TM9SF4: variants seen among roughly 807,000 people sequenced by gnomAD.
The protein encoded by TM9SF4 is transmembrane 9 superfamily member 4.
In TM9SF4, 26 loss-of-function variants were observed where a neutral mutation model predicts 90.4. The observed-to-expected ratio is 0.29, with a 90% CI of 0.21 to 0.40. TM9SF4 has a LOEUF of 0.40. TM9SF4 is among the 10% of genes least tolerant of loss of function. The pLI is 1.00. For missense variants in TM9SF4, 549 were observed against 834.8 expected, an observed-to-expected ratio of 0.66 and a Z score of 4.22; for synonymous variants, 293 against 315.4, an observed-to-expected ratio of 0.93 and a Z score of 0.75.
intron 3 of TM9SF4, among the ~76,000 whole-genome samples, chr20:32,140,951 G>A (rs1460641885): frequency 6.6e-6 from 1 of 152,132 alleles, no homozygotes; most frequent in African/African-American, 2.4e-5. Flanking sequence ...GGGCGCGGTG[G>A]CTCACACCTG....
chr20:32,119,461 TAGTC>T (rs1208817555), intron 1 of TM9SF4, among the ~76,000 whole-genome samples: 1 of 152,212 alleles, frequency 6.6e-6, no homozygotes, highest in Non-Finnish European at 1.5e-5. Context: ...TTATGCTTAT[TAGTC>T]ATTCATATAT....
intron 6 of TM9SF4, among the ~76,000 whole-genome samples, chr20:32,144,361 A>C (rs980732784): frequency 2.0e-5 from 3 of 152,242 alleles, no homozygotes; most frequent in Admixed American, 1.3e-4. Flanking sequence ...ATGAATGGAG[A>C]AAACATCTGA....
At position 32,141,848 on chromosome 20, in the gene TM9SF4, G is replaced by C. The variant is rs764657883; in HGVS notation, c.481G>C (p.Val161Leu). ...DSDDKKKEKDVQFEHGYRLGF... is the reference protein window; with the variant it reads ...DSDDKKKEKDLQFEHGYRLGF... ...CGATGACAAGAAGAAGGAAAAAGATGTGCAGTTTGAACACGGCTACCGGCT... is the reference window on the plus strand; with the variant it reads ...CGATGACAAGAAGAAGGAAAAAGATCTGCAGTTTGAACACGGCTACCGGCT... The change falls in exon 5 of 18, where the codon GTG (valine) becomes CTG (leucine). Residue 161 changes from valine to leucine, a missense_variant. Physicochemically the swap from Val to Leu is conservative, Grantham distance 32 (BLOSUM62 1). Coordinates refer to ENST00000398022, the MANE Select transcript of TM9SF4 (RefSeq NM_014742.4). 2 of 1,614,144 alleles carry C rather than the reference G, an allele frequency of 1.2e-6. No homozygotes were observed. The highest frequency in any genetic ancestry group is 1.6e-4 in the Middle Eastern group (1 of 6,062).
chr20:32,118,097 G>A (rs2046253139), intron 1 of TM9SF4, among the ~76,000 whole-genome samples: 1 of 152,184 alleles, frequency 6.6e-6, no homozygotes, highest in Non-Finnish European at 1.5e-5. Context: ...AGAAGGTGAT[G>A]AAGTCATAGA....
At chr20:32,149,886 G>A in intron 10 of TM9SF4, 120 bp downstream of exon 10, 1 of 1,398,286 alleles carries the variant, frequency 7.2e-7, no homozygotes, top group Non-Finnish European at 9.7e-7. Context: ...CACCAAGTGG[G>A]CATGTCAGTA....
chr20:32,145,286 T>C (rs2046747627), intron 7 of TM9SF4, 26 bp from the exon 8 acceptor site: 1 of 1,613,150 alleles, frequency 6.2e-7, no homozygotes, highest in African/African-American at 1.3e-5. Context: ...GATGCCTGAC[T>C]CTAAGTGCTT....
At chr20:32,141,937 C>T in intron 5 of TM9SF4, 42 bp downstream of exon 5, 3 of 1,611,658 alleles carry the variant, frequency 1.9e-6, no homozygotes. Context: ...GGAGCCACAC[C>T]TCACGAGTCC....
At chr20:32,119,779 G>A (rs1035902278) in intron 1 of TM9SF4, among the ~76,000 whole-genome samples, 12 of 151,742 alleles carry the variant, frequency 7.9e-5, no homozygotes, top group Admixed American at 5.3e-4. Flanking sequence ...TATTTTTTCC[G>A]TATAGAGGTT....
At chr20:32,123,866 A>ATATATATATATATATTTTTTTTT in intron 1 of TM9SF4, among the ~76,000 whole-genome samples, 20 of 93,946 alleles carry the variant, frequency 2.1e-4, no homozygotes, top group East Asian at 7.4e-4. Context: ...ATATATATAT[A>ATATATATATATATATTTTTTTTT]TTTTTTTTTT....
intron 1 of TM9SF4, among the ~76,000 whole-genome samples, chr20:32,110,838 G>C (rs1336227252): frequency 1.3e-5 from 2 of 152,178 alleles, no homozygotes; most frequent in South Asian, 4.1e-4. Flanking sequence ...TAAAAGTTTA[G>C]TTCAAATTCT....
chr20:32,143,005 A>G lies in TM9SF4; in HGVS notation c.552A>G (p.Ser184=). ...AGATCTACCTGCACAACCACCTCTC[A>G]TTCATCCTTTACTATCATCGGGAGG... is the stretch of plus-strand genomic sequence containing the variant. The part of the protein sequence containing the change: ...VNKIYLHNHL[S]FILYYHREDM... Residue 184 remains serine (S), a synonymous_variant, in exon 6 of 18, where the codon TCA becomes TCG. Transcript: ENST00000398022. 5 of 1,613,748 alleles carry G rather than the reference A, an allele frequency of 3.1e-6. No individual in the cohort carries two copies. The highest frequency in any genetic ancestry group is 4.2e-6 in the Non-Finnish European group (5 of 1,179,742).
At chr20:32,115,737 C>T (rs187653792) in intron 1 of TM9SF4, among the ~76,000 whole-genome samples, 6 of 149,668 alleles carry the variant, frequency 4.0e-5, no homozygotes, top group East Asian at 2.0e-4. Context: ...AAACCGTTTG[C>T]GCTTTTAAGC....
chr20:32,152,003 A>AGT (rs2046849053), intron 12 of TM9SF4, among the ~76,000 whole-genome samples: 1 of 151,296 alleles, frequency 6.6e-6, no homozygotes, highest in African/African-American at 2.4e-5. Flanking sequence ...CTGGGACTAC[A>AGT]GGTGCCCACC....
intron 1 of TM9SF4, among the ~76,000 whole-genome samples, chr20:32,125,478 C>G (rs182101171): frequency 2.0e-5 from 3 of 152,060 alleles, no homozygotes; most frequent in Non-Finnish European, 4.4e-5. Flanking sequence ...AGTGTGATTT[C>G]AAGAGCAGCA....
intron 15 of TM9SF4, 196 bp from the exon 16 acceptor site, chr20:32,159,796 A>G: frequency 2.2e-5 from 15 of 667,752 alleles, no homozygotes; most frequent in Non-Finnish European, 3.8e-5. Context: ...CAGGTCAGTC[A>G]ACCCCTGGCC....
At chr20:32,154,584 G>A (rs2046890934) in intron 12 of TM9SF4, among the ~76,000 whole-genome samples, 1 of 152,132 alleles carries the variant, frequency 6.6e-6, no homozygotes, top group African/African-American at 2.4e-5. Flanking sequence ...CTCCCGAGTA[G>A]CTGAGACTAC....
rs1429862285 is a variant in TM9SF4, at chr20:32,141,750, G to A, written c.399-16G>A. 30 of 1,614,024 alleles carry A rather than the reference G, an allele frequency of 1.9e-5. No homozygotes were observed. The highest frequency in any genetic ancestry group is 2.3e-5 in the Non-Finnish European group (27 of 1,179,940). ...GAGGCGGTCGAGAGGGACTGAGTGG[G>A]GCCTTCACTTTCCAGCATTGCTGAC... On this transcript the variant is annotated splice_polypyrimidine_tract_variant and intron_variant, in intron 4 of 17. Coordinates refer to ENST00000398022, the MANE Select transcript of TM9SF4 (RefSeq NM_014742.4).
At chr20:32,152,117 G>A (rs972164975) in intron 12 of TM9SF4, among the ~76,000 whole-genome samples, 1 of 151,272 alleles carries the variant, frequency 6.6e-6, no homozygotes, top group Admixed American at 6.6e-5. Flanking sequence ...TGATCCGCCC[G>A]CCTCGGCCTC....
intron 1 of TM9SF4, among the ~76,000 whole-genome samples, chr20:32,119,987 A>T (rs192152741): frequency 5.6e-4 from 85 of 152,308 alleles, no homozygotes; most frequent in Middle Eastern, 3.4e-3. Context: ...ATTTATTTAT[A>T]GACTTTTAAT....
Sources: allele counts gnomAD v4.1 joint callset (sites outside exome capture counted in the v4.1 genomes callset), GRCh38; gene constraint gnomAD v4.1.1; transcripts MANE v1.5; gene names NCBI Gene and HGNC (gene_info 2026-07-23, HGNC 2026-07-21).